Variants in ZNF189 observed in about 807,000 individuals in gnomAD.
ZNF189 encodes zinc finger protein 189.
ZNF189 carries 33 observed loss-of-function variants against 53.5 expected under a neutral mutation model. The observed-to-expected ratio is 0.62, with a 90% CI of 0.47 to 0.82. The LOEUF is 0.82. ZNF189 is among the 40% of genes least tolerant of loss of function. The pLI is 0.00. For missense variants in ZNF189, 711 were observed against 753.9 expected, an observed-to-expected ratio of 0.94 and a Z score of 0.67; for synonymous variants, 247 against 238.8, an observed-to-expected ratio of 1.03 and a Z score of -0.32.
intron 2 of ZNF189, among the ~76,000 whole-genome samples, chr9:101,405,301 C>T (rs1185434576): frequency 1.3e-5 from 2 of 152,124 alleles, no homozygotes; most frequent in Admixed American, 1.3e-4. Flanking sequence ...AGCCTAAAGA[C>T]TGGAGCCAAA....
intron 1 of ZNF189, 29 bp downstream of exon 1, chr9:101,399,218 G>C (rs757445017): frequency 6.4e-7 from 1 of 1,571,268 alleles, no homozygotes; most frequent in South Asian, 1.1e-5. Flanking sequence ...GGGGATCCCG[G>C]TTGTCTCGCC....
In ZNF189 at chr9:101,408,176, TA is replaced by T. The variant is rs1564070567; in HGVS notation, c.409del (p.Ile137SerfsTer79). ...GAATGTTCAGAGAAAACACTAACATTATCCGTAAAAGACCAAACTCAGAAGA... is the reference window on the plus strand; with the variant it reads ...GAATGTTCAGAGAAAACACTAACATTTCCGTAAAAGACCAAACTCAGAAGA... ...QRMFRENTNI[I>X]RKRPNSEEKC... On this transcript the variant is annotated frameshift_variant, in exon 3 of 3. Transcript: ENST00000339664. LOFTEE classifies it high-confidence loss of function. 6.2e-7 allele frequency: 1 copy of T among 1,614,104 alleles called. No homozygotes were observed. The highest frequency in any genetic ancestry group is 8.5e-7 in the Non-Finnish European group (1 of 1,180,024).
In ZNF189 at chr9:101,408,309, T is replaced by C. The variant is rs1830793236; in HGVS notation, c.541T>C (p.Cys181Arg). Residue 181 changes from cysteine (C) to arginine (R), a missense_variant, in exon 3 of 3, where the codon TGT (cysteine) becomes CGT (arginine). By Grantham distance (180) the Cys-to-Arg change is radical. Coordinates refer to ENST00000339664, the MANE Select transcript of ZNF189 (RefSeq NM_003452.4). ...TGEKPFQCNE[C>R]GKSFSRSSFV... The stretch of plus-strand genomic sequence containing the variant: ...TGAGAAACCTTTTCAGTGCAATGAA[T>C]GTGGGAAAAGTTTTAGTCGCAGTTC... The C allele has an allele frequency of 6.2e-7, 1 of 1,614,124 alleles. No homozygotes were observed. The highest frequency in any genetic ancestry group is 2.2e-5 in the East Asian group (1 of 44,870).
intron 2 of ZNF189, among the ~76,000 whole-genome samples, chr9:101,404,142 C>A (rs1830632269): frequency 6.6e-6 from 1 of 152,208 alleles, no homozygotes. Context: ...AATGGATAGT[C>A]ACTTCAAGGC....
chr9:101,407,503 C>T, intron 2 of ZNF189: 1 of 400,276 alleles, frequency 2.5e-6, no homozygotes, highest in Non-Finnish European at 4.4e-6. Flanking sequence ...AATCCTCCCA[C>T]CTCAGCTACC....
chr9:101,401,466 C>A (rs1252261276), intron 2 of ZNF189, among the ~76,000 whole-genome samples: 1 of 152,136 alleles, frequency 6.6e-6, no homozygotes, highest in Non-Finnish European at 1.5e-5. Context: ...GTCACTATTT[C>A]TTCTCCCTTG....
Position 101,408,531 on chromosome 9 carries a change from A to G in ZNF189, c.763A>G (p.Thr255Ala), listed in dbSNP as rs1370145474. ...CCTTGTTAAACATCAAAGGATTCAT[A>G]CAGGTGAGAAACCCCATAAATGTAG... ...RSLVKHQRIHTGEKPHKCSDC... is the reference protein window; with the variant it reads ...RSLVKHQRIHAGEKPHKCSDC... Residue 255 changes from threonine (T) to alanine (A), a missense_variant, in exon 3 of 3, where the codon ACA (threonine) becomes GCA (alanine). By Grantham distance (58) the Thr-to-Ala change is moderately conservative. Coordinates refer to ENST00000339664, the MANE Select transcript of ZNF189 (RefSeq NM_003452.4). 3 of 1,614,104 alleles carry G rather than the reference A, an allele frequency of 1.9e-6. No individual in the cohort carries two copies. In the African/African-American group the frequency reaches 4.0e-5, roughly 22 times the overall value.
intron 2 of ZNF189, among the ~76,000 whole-genome samples, chr9:101,403,985 T>G (rs1830625342): frequency 6.6e-6 from 1 of 152,248 alleles, no homozygotes; most frequent in South Asian, 2.1e-4. Flanking sequence ...AGGTTACAAT[T>G]CTAGCTACCT....
rs1588152007 is a variant in ZNF189 at position 101,398,933 on chromosome 9, A to G, written c.-224A>G. 1.9e-6 allele frequency: 1 copy of G among 518,490 alleles called. No homozygotes were observed. Among genetic ancestry groups the G allele is most frequent in the South Asian group, 1.9e-5 (1 of 51,454 alleles). 32.1% of individuals were successfully genotyped at this position (518,490 alleles called of 1,614,324 possible). On this transcript the variant is annotated 5_prime_UTR_variant, in exon 1 of 3. Coordinates refer to ENST00000339664, the MANE Select transcript of ZNF189 (RefSeq NM_003452.4). ...GCGAGGCCTGAAAGGCTGCGTAACC[A>G]GGCAGGAGTAGGGGTTGGGGTTCGG...
In ZNF189 at chr9:101,408,041, T is replaced by C; in HGVS notation, c.273T>C (p.Ile91=). The C allele has an allele frequency of 6.2e-7, 1 of 1,613,810 alleles. No individual in the cohort carries two copies. The highest frequency in any genetic ancestry group is 8.5e-7 in the Non-Finnish European group (1 of 1,179,936). ...GVIVTRIKSE[I]DQDPMGRETF... is the part of the protein sequence containing the mutation. ...TAGTTACAAGAATCAAAAGTGAAAT[T>C]GACCAGGATCCTATGGGTAGAGAAA... Residue 91 remains isoleucine (I), a synonymous_variant, in exon 3 of 3, where the codon ATT becomes ATC. Coordinates refer to ENST00000339664, the MANE Select transcript of ZNF189 (RefSeq NM_003452.4).
chr9:101,409,051 A>G lies in ZNF189; in HGVS notation c.1283A>G (p.Tyr428Cys). The G allele has an allele frequency of 6.2e-7, 1 of 1,614,120 alleles. No individual in the cohort carries two copies. The highest frequency in any genetic ancestry group is 8.5e-7 in the Non-Finnish European group (1 of 1,180,008). ...HQRIHTREKT[Y>C]PYNETKESFD... Reference sequence around the variant, plus strand: ...AGAATTCACACCAGGGAGAAGACTTATCCATACAATGAAACTAAGGAAAGT... The same window carrying G: ...AGAATTCACACCAGGGAGAAGACTTGTCCATACAATGAAACTAAGGAAAGT... The change falls in exon 3 of 3, where the codon TAT becomes TGT. Residue 428 changes from tyrosine to cysteine, a missense_variant. Coordinates refer to ENST00000339664, the MANE Select transcript of ZNF189 (RefSeq NM_003452.4).
chr9:101,407,889 G>T, intron 2 of ZNF189, 40 bp from the exon 3 acceptor site: 1 of 1,474,020 alleles, frequency 6.8e-7, no homozygotes, highest in Non-Finnish European at 9.0e-7. Context: ...TTGCTTCAAA[G>T]ACCTTGGTTG....
intron 2 of ZNF189, among the ~76,000 whole-genome samples, chr9:101,400,726 A>G (rs1564066550): frequency 1.3e-5 from 2 of 152,188 alleles, no homozygotes; most frequent in Non-Finnish European, 2.9e-5. Flanking sequence ...TTCCACTTTT[A>G]CTCAGCACCT....
chr9:101,408,105 A>T lies in ZNF189; in HGVS notation c.337A>T (p.Ile113Phe). 2.5e-6 allele frequency: 4 copies of T among 1,613,958 alleles called. No homozygotes were observed. The highest frequency in any genetic ancestry group is 3.4e-6 in the Non-Finnish European group (4 of 1,179,962). Reference sequence around the variant, plus strand: ...TGGTAGGTTAGATAAACAAAGAGGGATCTTCCTATGGGAAATACCAAGGGA... The same window carrying T: ...TGGTAGGTTAGATAAACAAAGAGGGTTCTTCCTATGGGAAATACCAAGGGA... ...LVGRLDKQRG[I>F]FLWEIPRESL... The change falls in exon 3 of 3, where the codon ATC (isoleucine) becomes TTC (phenylalanine). Residue 113 changes from isoleucine to phenylalanine, a missense_variant. Transcript: ENST00000339664.
intron 2 of ZNF189, among the ~76,000 whole-genome samples, 198 bp downstream of exon 2, chr9:101,400,208 C>T (rs1403489425): frequency 5.3e-5 from 8 of 152,186 alleles, no homozygotes; most frequent in African/African-American, 1.7e-4. Flanking sequence ...TTTCGGGCAT[C>T]CTGTCTTCAT....
chr9:101,401,580 C>T (rs1830536560), intron 2 of ZNF189, among the ~76,000 whole-genome samples: 1 of 152,192 alleles, frequency 6.6e-6, no homozygotes, highest in Non-Finnish European at 1.5e-5. Flanking sequence ...CCTCTTGCTG[C>T]TGCCTATGAT....
intron 2 of ZNF189, among the ~76,000 whole-genome samples, chr9:101,401,506 A>G (rs1295582171): frequency 2.0e-5 from 3 of 152,138 alleles, no homozygotes; most frequent in Non-Finnish European, 2.9e-5. Context: ...TGGTATGTTC[A>G]TAACTCTTCA....
At chr9:101,402,371 A>C (rs1007423570) in intron 2 of ZNF189, among the ~76,000 whole-genome samples, 2 of 152,214 alleles carry the variant, frequency 1.3e-5, no homozygotes, top group African/African-American at 4.8e-5. Context: ...AATAGCACCT[A>C]CCTCATAGGG....
At chr9:101,399,819 C>G (rs1830465596) in intron 1 of ZNF189, 65 bp from the exon 2 acceptor site, 1 of 1,607,054 alleles carries the variant, frequency 6.2e-7, no homozygotes, top group African/African-American at 1.3e-5. Context: ...TTGCCTCTGT[C>G]ACTTTTAGTG....
Sources: gnomAD v4.1 joint callset for allele counts (sites outside exome capture counted in the v4.1 genomes callset) on GRCh38, gnomAD v4.1.1 for gene constraint, MANE v1.5 for transcripts, NCBI Gene and HGNC (gene_info 2026-07-23, HGNC 2026-07-21) for gene names.